The following AFF2 variants were observed in gnomAD, a reference collection of about 807,000 sequenced individuals.
AFF2 encodes the protein AF4/FMR2 family member 2.
A neutral mutation model predicts 76.9 loss-of-function variants in AFF2; 14 were observed. The ratio of observed to expected loss-of-function variants is 0.18; its 90% CI spans 0.12 to 0.28. The LOEUF (loss-of-function observed/expected upper bound fraction) is 0.28, where lower values mean the gene tolerates loss of function less well. AFF2 is among the 10% of genes least tolerant of loss of function. The pLI is 1.00. For missense variants in AFF2, 868 were observed against 1,001.1 expected, an observed-to-expected ratio of 0.87 and a Z score of 1.79; for synonymous variants, 398 against 366.7, an observed-to-expected ratio of 1.09 and a Z score of -0.98.
Position 148,998,577 on chromosome X carries a change from C to G in AFF2, c.*7245C>G, listed in dbSNP as rs987535247. The G allele has an allele frequency of 9.0e-6, 1 of 111,347 alleles. No homozygotes were observed. Among genetic ancestry groups the G allele is most frequent in the Non-Finnish European group, 1.9e-5 (1 of 52,971 alleles). The allele number at this position is 111,347 out of a possible 1,213,427, so 9.2% of individuals were successfully genotyped here. A position where few individuals can be genotyped will look rare whatever the true frequency, so the allele number is the denominator to read the frequency against. On this transcript the variant is annotated 3_prime_UTR_variant, in exon 21 of 21. Transcript: ENST00000370460. ...TGACCTTTGATACATAATTCTGGAG[C>G]AAGTGGAGTGGTTGCAGGCAGATGA...
intron 1 of AFF2, among the ~76,000 whole-genome samples, chrX:148,613,876 C>G (rs2053758955): frequency 8.9e-6 from 1 of 112,272 alleles, no homozygotes; most frequent in Non-Finnish European, 1.9e-5. Context: ...CTCTGTATCT[C>G]TGTTTTTGTA....
At chrX:148,663,431 A>G (rs1387442540) in intron 3 of AFF2, among the ~76,000 whole-genome samples, 1 of 112,275 alleles carries the variant, frequency 8.9e-6, no homozygotes, top group Non-Finnish European at 1.9e-5. Context: ...CCAAAAGCCC[A>G]CTGGTTTAGA....
chrX:148,918,039 T>C (rs782194793), intron 9 of AFF2, among the ~76,000 whole-genome samples: 16 of 111,612 alleles, frequency 1.4e-4, no homozygotes, highest in African/African-American at 5.2e-4. Flanking sequence ...GCTGATTTTA[T>C]TGGAAAATCA....
At chrX:148,887,349 A>G (rs188744526) in intron 8 of AFF2, among the ~76,000 whole-genome samples, 7 of 112,246 alleles carry the variant, frequency 6.2e-5, no homozygotes, top group Non-Finnish European at 1.1e-4. Context: ...TAATACGCCA[A>G]TAGCAGGAGC....
chrX:148,506,941 G>A (rs1033659218), intron 1 of AFF2, among the ~76,000 whole-genome samples: 4 of 111,881 alleles, frequency 3.6e-5, no homozygotes, highest in South Asian at 3.7e-4. Context: ...TGCTCTTTTC[G>A]CTGCATCACC....
intron 4 of AFF2, among the ~76,000 whole-genome samples, chrX:148,815,576 T>G (rs16994744): frequency 0.026 from 2,890 of 111,881 alleles, 87 homozygotes; most frequent in African/African-American, 0.089. Context: ...CCATCCAGTG[T>G]GCTTCCAAAT....
chrX:148,758,156 A>AT (rs1557267055), intron 3 of AFF2, among the ~76,000 whole-genome samples: 4 of 112,601 alleles, frequency 3.6e-5, no homozygotes, highest in Non-Finnish European at 3.8e-5. Flanking sequence ...AGACCATGTA[A>AT]GTAGGGGCAG....
At chrX:148,767,356 G>A (rs1270279211) in intron 3 of AFF2, among the ~76,000 whole-genome samples, 2 of 111,711 alleles carry the variant, frequency 1.8e-5, no homozygotes, top group African/African-American at 6.5e-5. Context: ...TGTCATGGAA[G>A]AGAGTGTGAT....
chrX:148,935,822 G>A (rs1162224893), intron 9 of AFF2, among the ~76,000 whole-genome samples: 2 of 109,258 alleles, frequency 1.8e-5, no homozygotes, highest in Non-Finnish European at 3.8e-5. Flanking sequence ...AGAGAAATGT[G>A]AAAATAGTGA....
intron 16 of AFF2, among the ~76,000 whole-genome samples, chrX:148,973,886 A>G (rs1357250809): frequency 3.6e-5 from 4 of 111,976 alleles, no homozygotes; most frequent in Non-Finnish European, 7.5e-5. Flanking sequence ...AGAAATAAGT[A>G]TAATCATTTT....
At chrX:148,698,280 A>T (rs996977769) in intron 3 of AFF2, among the ~76,000 whole-genome samples, 12 of 112,778 alleles carry the variant, frequency 1.1e-4, no homozygotes, top group African/African-American at 1.9e-4. Flanking sequence ...ACAAAAGTAT[A>T]AAAAAAGTGG....
chrX:148,555,614 C>A (rs782621136), intron 1 of AFF2, among the ~76,000 whole-genome samples: 7 of 111,799 alleles, frequency 6.3e-5, no homozygotes, highest in Non-Finnish European at 1.3e-4. Flanking sequence ...ATCAGCATTT[C>A]TTTTTTGGGA....
At chrX:148,844,225 T>C (rs1473927335) in intron 7 of AFF2, among the ~76,000 whole-genome samples, 1 of 111,784 alleles carries the variant, frequency 8.9e-6, no homozygotes, top group African/African-American at 3.3e-5. Context: ...ACATGAAATG[T>C]TGAGTGGATT....
chrX:148,563,604 T>A (rs1398906300), intron 1 of AFF2, among the ~76,000 whole-genome samples: 1 of 112,283 alleles, frequency 8.9e-6, no homozygotes, highest in Non-Finnish European at 1.9e-5. Flanking sequence ...CCATTTGCTA[T>A]GCTTTATGCT....
At chrX:148,698,352 AT>A (rs2054746028) in intron 3 of AFF2, among the ~76,000 whole-genome samples, 2 of 112,584 alleles carry the variant, frequency 1.8e-5, no homozygotes, top group Non-Finnish European at 3.8e-5. Flanking sequence ...GTTTCTGAAT[AT>A]CTTTTGTGGC....
intron 9 of AFF2, among the ~76,000 whole-genome samples, chrX:148,927,896 A>T (rs2071671130): frequency 8.9e-6 from 1 of 112,157 alleles, no homozygotes; most frequent in Non-Finnish European, 1.9e-5. Flanking sequence ...TTCAGGTGGT[A>T]TTTCCATGTG....
chrX:148,736,088 G>A (rs12394036), intron 3 of AFF2, among the ~76,000 whole-genome samples: 1,526 of 112,099 alleles, frequency 0.014, 24 homozygotes, highest in African/African-American at 0.047. Flanking sequence ...GCATGTGTGA[G>A]TATCTTTTTC....
In AFF2 at chrX:148,809,916, T is replaced by C; in HGVS notation, c.1082T>C (p.Leu361Ser). The change falls in exon 4 of 21, where the codon TTG becomes TCG. Residue 361 changes from leucine to serine, a missense_variant. This residue lies in a region of AFF2 where 532 missense variants were observed against 564.2 expected (regional missense o/e 0.94). Coordinates refer to ENST00000370460, the MANE Select transcript of AFF2 (RefSeq NM_002025.4). ...GATCCAAGCTGTGTTGAAGAAATCT[T>C]GCGGGTGAGTTTAAACCTTTATTTT... Reference protein sequence around the residue: ...PSDPSCVEEILREMTHSWPTP... With the variant: ...PSDPSCVEEISREMTHSWPTP... 8.3e-7 allele frequency: 1 copy of C among 1,210,275 alleles called. No individual in the cohort carries two copies. The highest frequency in any genetic ancestry group is 1.1e-6 in the Non-Finnish European group (1 of 894,401).
intron 1 of AFF2, among the ~76,000 whole-genome samples, chrX:148,523,025 A>T (rs2052618503): frequency 9.0e-6 from 1 of 111,271 alleles, no homozygotes; most frequent in Admixed American, 9.6e-5. Context: ...CAGGAATTCG[A>T]CTCCAGTGAC....
Sources: allele counts gnomAD v4.1 joint callset (sites outside exome capture counted in the v4.1 genomes callset), GRCh38; gene constraint gnomAD v4.1.1; regional missense constraint gnomAD v4.1.1; transcripts MANE v1.5; gene names NCBI Gene and HGNC (gene_info 2026-07-23, HGNC 2026-07-21).